DNAJC2: variants seen among roughly 807,000 people sequenced by gnomAD.
The protein encoded by DNAJC2 is dnaJ homolog subfamily C member 2.
A neutral mutation model predicts 94.0 loss-of-function variants in DNAJC2; 32 were observed. That is an observed-to-expected ratio of 0.34 (90% CI 0.26 to 0.46). The LOEUF (loss-of-function observed/expected upper bound fraction) is 0.46, where lower values mean the gene tolerates loss of function less well. DNAJC2 is among the 20% of genes least tolerant of loss of function. DNAJC2 has a pLI of 1.00. For missense variants in DNAJC2, 550 were observed against 719.5 expected (o/e 0.76, Z 2.69); for synonymous variants, 210 against 229.7 (o/e 0.91, Z 0.77).
chr7:103,316,771 G>C, intron 13 of DNAJC2, 59 bp downstream of exon 13: 1 of 1,396,928 alleles, frequency 7.2e-7, no homozygotes, highest in Middle Eastern at 1.9e-4. Flanking sequence ...TTTGGAGTCT[G>C]TCTACATTAT....
In DNAJC2 at chr7:103,322,607, C is replaced by T. The variant is rs752234029; in HGVS notation, c.837G>A (p.Arg279=). Residue 279 remains arginine (R), a synonymous_variant, in exon 9 of 17, where the codon AGG becomes AGA. Coordinates refer to ENST00000379263, the MANE Select transcript of DNAJC2 (RefSeq NM_014377.3). Reference sequence around the variant, plus strand: ...TTTCTTCTTCCTTGAACTTTTTTATCCTTGGATCACAGCTGTATGCATTGT... The same window carrying T: ...TTTCTTCTTCCTTGAACTTTTTTATTCTTGGATCACAGCTGTATGCATTGT... ...LVDNAYSCDP[R]IKKFKEEEKA... 6.2e-7 allele frequency: 1 copy of T among 1,612,364 alleles called. No individual in the cohort carries two copies. Among genetic ancestry groups the T allele is most frequent in the Non-Finnish European group, 8.5e-7 (1 of 1,179,364 alleles).
At chr7:103,320,309 T>TG (rs1444859925) in intron 10 of DNAJC2, among the ~76,000 whole-genome samples, 1 of 151,812 alleles carries the variant, frequency 6.6e-6, no homozygotes, top group African/African-American at 2.4e-5. Flanking sequence ...AGGCTGGTCT[T>TG]GAACTCCTGA....
At chr7:103,313,505 G>A (rs972331121) in intron 15 of DNAJC2, 2 of 984,830 alleles carry the variant, frequency 2.0e-6, no homozygotes, top group African/African-American at 3.5e-5. Flanking sequence ...AGGTAAAAGA[G>A]CTTCCTCACA....
At chr7:103,314,420 A>G in intron 15 of DNAJC2, 1 of 985,416 alleles carries the variant, frequency 1.0e-6, no homozygotes, top group Non-Finnish European at 1.2e-6. Flanking sequence ...ATACCCACAT[A>G]GCACTACTGC....
At chr7:103,332,251 C>A (rs926200140) in intron 3 of DNAJC2, among the ~76,000 whole-genome samples, 1 of 152,130 alleles carries the variant, frequency 6.6e-6, no homozygotes, top group African/African-American at 2.4e-5. Flanking sequence ...ATGATCCGCC[C>A]GCCTTGGCCT....
intron 3 of DNAJC2, among the ~76,000 whole-genome samples, chr7:103,334,224 T>G (rs1176520802): frequency 6.6e-6 from 1 of 151,884 alleles, no homozygotes; most frequent in Admixed American, 6.6e-5. Context: ...GTGCTGGGAT[T>G]ACAGGTGTGA....
chr7:103,332,523 TTTTAATTC>T (rs1819017851), intron 3 of DNAJC2, among the ~76,000 whole-genome samples: 1 of 152,252 alleles, frequency 6.6e-6, no homozygotes, highest in South Asian at 2.1e-4. Context: ...GCATTAGAAT[TTTTAATTC>T]TTTAACACTT....
At chr7:103,313,605 G>A in intron 15 of DNAJC2, 2 of 983,600 alleles carry the variant, frequency 2.0e-6, no homozygotes, top group Non-Finnish European at 2.4e-6. Context: ...AAGTGCCCAA[G>A]GTACCAGTGC....
At chr7:103,320,830 C>CTTTTT (rs745754898) in intron 10 of DNAJC2, 52 of 113,776 alleles carry the variant, frequency 4.6e-4, no homozygotes, top group Non-Finnish European at 5.4e-4. Context: ...CTCAGCATGT[C>CTTTTT]TTTTTTTTTT....
At chr7:103,327,523 T>C (rs757320189) in intron 4 of DNAJC2, 133 bp downstream of exon 4, 20 of 717,888 alleles carry the variant, frequency 2.8e-5, no homozygotes, top group South Asian at 1.1e-4. Flanking sequence ...TAGAAAGAAC[T>C]TGATATAACT....
intron 15 of DNAJC2, chr7:103,314,110 T>C (rs1336567190): frequency 1.0e-6 from 1 of 985,308 alleles, no homozygotes; most frequent in Non-Finnish European, 1.2e-6. Flanking sequence ...CTAAGGTGCC[T>C]AAGAAGCTTT....
At chr7:103,316,128 G>T in intron 13 of DNAJC2, 40 bp from the exon 14 acceptor site, 1 of 1,328,558 alleles carries the variant, frequency 7.5e-7, no homozygotes, top group Non-Finnish European at 1.0e-6. Flanking sequence ...ATAGTAGTAA[G>T]GAAAAACAAA....
At chr7:103,341,206 GC>G (rs1819361196) in intron 2 of DNAJC2, among the ~76,000 whole-genome samples, 1 of 152,082 alleles carries the variant, frequency 6.6e-6, no homozygotes, top group Non-Finnish European at 1.5e-5. Context: ...CCAGTCCCTT[GC>G]CCCCTTTCAA....
In DNAJC2 at chr7:103,321,920, A is replaced by T; in HGVS notation, c.1083+12T>A. 1.2e-6 allele frequency: 2 copies of T among 1,603,884 alleles called. No homozygotes were observed. Among genetic ancestry groups the T allele is most frequent in the Non-Finnish European group, 1.7e-6 (2 of 1,175,760 alleles). On this transcript the variant is annotated intron_variant, in intron 10 of 16. Transcript: ENST00000379263. ...ATTTACTTGTGCCTAGTGTTTGTTC[A>T]GTCTGATATACCTTGCATGAGTTTC...
chr7:103,324,447 A>ATTG, intron 6 of DNAJC2, 35 bp downstream of exon 6: 1 of 1,431,612 alleles, frequency 7.0e-7, no homozygotes, highest in South Asian at 1.4e-5. Context: ...CCTTTTAAAA[A>ATTG]ATGACAGCAT....
In DNAJC2 at chr7:103,316,889, T is replaced by A. The variant is rs1359440889; in HGVS notation, c.1368A>T (p.Glu456Asp). Residue 456 changes from glutamate to aspartate, a missense_variant, in exon 13 of 17, where the codon GAA becomes GAT. Around this residue, in one of 2 missense-constraint regions of DNAJC2, gnomAD observed 271 missense variants for 302.6 expected, o/e 0.90. Coordinates refer to ENST00000379263, the MANE Select transcript of DNAJC2 (RefSeq NM_014377.3). ...CTTTAATTAGTAATTGTAGATCATC[T>A]TCTGACCAATTTTTACTTCCATTTC... ...GGGNGSKNWSEDDLQLLIKAV... is the reference protein window; with the variant it reads ...GGGNGSKNWSDDDLQLLIKAV... 9.9e-6 allele frequency: 16 copies of A among 1,614,022 alleles called. No homozygotes were observed. The highest frequency in any genetic ancestry group is 1.4e-5 in the Non-Finnish European group (16 of 1,179,982).
At chr7:103,340,039 T>C (rs919442690) in intron 2 of DNAJC2, among the ~76,000 whole-genome samples, 1 of 152,162 alleles carries the variant, frequency 6.6e-6, no homozygotes, top group Non-Finnish European at 1.5e-5. Flanking sequence ...GGTTTCACCA[T>C]GTTGGTCAGG....
chr7:103,324,522 T>C lies in DNAJC2; in HGVS notation c.613A>G (p.Asn205Asp), dbSNP rs1461879856. 3 of 1,497,136 alleles carry C rather than the reference T, an allele frequency of 2.0e-6. No individual in the cohort carries two copies. Among genetic ancestry groups the C allele is most frequent in the Admixed American group, 2.3e-5 (1 of 42,816 alleles). The allele number at this position is 1,497,136 out of a possible 1,614,324, so 92.7% of individuals were successfully genotyped here. A position where few individuals can be genotyped will look rare whatever the true frequency, so the allele number is the denominator to read the frequency against. Reference protein sequence around the residue: ...KKNVPKLGDMNSSFEDVDIFY... With the variant: ...KKNVPKLGDMDSSFEDVDIFY... ...ATATCTACATCTTCAAATGATGAATTCATATCACCAAGTTTAGGAACATTT... is the reference window on the plus strand; with the variant it reads ...ATATCTACATCTTCAAATGATGAATCCATATCACCAAGTTTAGGAACATTT... Residue 205 changes from asparagine to aspartate, a missense_variant, in exon 6 of 17, where the codon AAT becomes GAT. This residue lies in a region of DNAJC2 where 279 missense variants were observed against 416.9 expected (regional missense o/e 0.67). Transcript: ENST00000379263.
chr7:103,343,466 CT>C (rs778055231), intron 1 of DNAJC2, among the ~76,000 whole-genome samples: 43 of 152,326 alleles, frequency 2.8e-4, no homozygotes, highest in Non-Finnish European at 4.7e-4. Flanking sequence ...ACCAGACACT[CT>C]GGGTTTTAGA....
Sources: allele counts gnomAD v4.1 joint callset (sites outside exome capture counted in the v4.1 genomes callset), GRCh38; gene constraint gnomAD v4.1.1; regional missense constraint gnomAD v4.1.1; transcripts MANE v1.5; gene names NCBI Gene and HGNC (gene_info 2026-07-23, HGNC 2026-07-21).